The following DMRT1 variants were observed in gnomAD, a reference collection of about 807,000 sequenced individuals.
The protein encoded by DMRT1 is doublesex- and mab-3-related transcription factor 1.
A neutral mutation model predicts 32.3 loss-of-function variants in DMRT1; 7 were observed. That is an observed-to-expected ratio of 0.22 (90% confidence interval 0.12 to 0.41). DMRT1 has a LOEUF of 0.41. Ranked by LOEUF, DMRT1 falls within the 10% of genes least tolerant of loss-of-function variation. DMRT1 has a pLI of 1.00. For synonymous variants in DMRT1, 278 were observed against 206.1 expected (o/e 1.35, Z -2.99); for missense variants, 625 against 500.5 (o/e 1.25, Z -2.37).
chr9:878,461 C>A (rs944001873), intron 2 of DMRT1, among the ~76,000 whole-genome samples: 7 of 152,128 alleles, frequency 4.6e-5, no homozygotes, highest in African/African-American at 1.4e-4. Flanking sequence ...ATAGCCCTGT[C>A]ATGATTGCCT....
chr9:855,135 T>C lies in DMRT1; in HGVS notation c.538+7992T>C, dbSNP rs538617470. Among the ~76,000 whole-genome samples the C allele has an allele frequency of 3.3e-5, 5 of 152,202 alleles. No individual in the cohort carries two copies. The South Asian group carries it at 8.3e-4, about 25-fold the overall frequency. On this transcript the variant is annotated intron_variant, in intron 2 of 4. Coordinates refer to ENST00000382276, the MANE Select transcript of DMRT1 (RefSeq NM_021951.3). ...TTTTGTTTATCTCAGGGATAGTCTT[T>C]GCTTATATGTCAAGTATAGCAGTTT... is the stretch of plus-strand genomic sequence containing the variant.
rs1291471205 is a variant in DMRT1 at position 916,875 on chromosome 9, A to G, written c.935A>G (p.Asp312Gly). 6 of 1,614,128 alleles carry G rather than the reference A, an allele frequency of 3.7e-6. 1 individual carries two copies. In the Middle Eastern group the frequency reaches 8.2e-4, roughly 222 times the overall value. Reference protein sequence around the residue: ...QSVPQFFTFEDAPSYPEARAS... With the variant: ...QSVPQFFTFEGAPSYPEARAS... ...GTGCCCCAGTTCTTCACTTTTGAGG[A>G]TGCTCCCTCTTACCCGGAAGCCAGG... is the stretch of plus-strand genomic sequence containing the variant. Residue 312 changes from aspartate (D) to glycine (G), a missense_variant, in exon 4 of 5, where the codon GAT becomes GGT. Physicochemically the swap from Asp to Gly is moderately conservative, Grantham distance 94. Transcript: ENST00000382276.
chr9:855,635 T>A (rs1184606394), intron 2 of DMRT1, among the ~76,000 whole-genome samples: 1 of 152,380 alleles, frequency 6.6e-6, no homozygotes, highest in African/African-American at 2.4e-5. Context: ...TTTTTTTCTT[T>A]TTGAGACAGG....
chr9:886,059 A>T (rs1478319177), intron 2 of DMRT1, among the ~76,000 whole-genome samples: 1 of 152,154 alleles, frequency 6.6e-6, no homozygotes, highest in East Asian at 1.9e-4. Flanking sequence ...TTTTCAGCAG[A>T]CTCATTAAAA....
rs546525132 is a variant in DMRT1, at chr9:861,296, C to T, written c.538+14153C>T. On this transcript the variant is annotated intron_variant, in intron 2 of 4. Coordinates refer to ENST00000382276, the MANE Select transcript of DMRT1 (RefSeq NM_021951.3). ...TAAGGAGCATGCTGCCTTCAAGTAT[C>T]TGTTTAACAAAGCACAGTTTGCACC... Among the ~76,000 whole-genome samples, 44 of 152,166 alleles carry T rather than the reference C, an allele frequency of 2.9e-4. 2 individuals carry two copies. The South Asian group carries it at 8.7e-3, about 30-fold the overall frequency.
At chr9:885,549 C>T (rs1172509857) in intron 2 of DMRT1, among the ~76,000 whole-genome samples, 1 of 152,228 alleles carries the variant, frequency 6.6e-6, no homozygotes, top group East Asian at 1.9e-4. Context: ...CAGTGCCTAT[C>T]AGTCTGCTCT....
intron 4 of DMRT1, among the ~76,000 whole-genome samples, chr9:942,665 G>C (rs1406055895): frequency 2.0e-5 from 3 of 152,098 alleles, no homozygotes; most frequent in African/African-American, 7.2e-5. Flanking sequence ...TACATCTCAA[G>C]TTTATTGCTT....
Position 841,962 on chromosome 9 carries a change from G to T in DMRT1, c.124G>T (p.Ala42Ser). The T allele has an allele frequency of 1.3e-6, 2 of 1,592,764 alleles. No individual in the cohort carries two copies. The highest frequency in any genetic ancestry group is 1.7e-6 in the Non-Finnish European group (2 of 1,170,330). Residue 42 changes from alanine to serine, a missense_variant, in exon 1 of 5, where the codon GCC (alanine) becomes TCC (serine). Around this residue, in one of 3 missense-constraint regions of DMRT1, gnomAD observed 201 missense variants for 152.0 expected, o/e 1.32. Coordinates refer to ENST00000382276, the MANE Select transcript of DMRT1 (RefSeq NM_021951.3). ...AGCGTCTGGGGCGCTAGTGGGGGCG[G>T]CCAGCGGCTCGAGCGCCGGGGGCAG... is the stretch of plus-strand genomic sequence containing the variant. ...GKASGALVGA[A>S]SGSSAGGSSR...
Position 900,635 on chromosome 9 carries a change from A to G in DMRT1, c.822+6440A>G, listed in dbSNP as rs188885103. Among the ~76,000 whole-genome samples the G allele has an allele frequency of 1.9e-4, 29 of 152,286 alleles. No individual in the cohort carries two copies. In the East Asian group the frequency reaches 3.9e-3, roughly 20 times the overall value. Reference sequence around the variant, plus strand: ...TTAAAATACTCTTAAATTGAAAAAAAAACAACAAAGACATAATAGGGAGAA... The same window carrying G: ...TTAAAATACTCTTAAATTGAAAAAAGAACAACAAAGACATAATAGGGAGAA... On this transcript the variant is annotated intron_variant, in intron 3 of 4. Transcript: ENST00000382276.
intron 4 of DMRT1, among the ~76,000 whole-genome samples, chr9:957,882 C>T (rs1179073165): frequency 2.0e-5 from 3 of 152,064 alleles, no homozygotes; most frequent in Non-Finnish European, 4.4e-5. Flanking sequence ...TGGTGGCGGG[C>T]GCCTGTAATC....
At chr9:881,281 G>T (rs143362089) in intron 2 of DMRT1, among the ~76,000 whole-genome samples, 8 of 152,176 alleles carry the variant, frequency 5.3e-5, no homozygotes, top group Admixed American at 2.6e-4. Context: ...GAAAATTGGC[G>T]ATAATAAATT....
intron 1 of DMRT1, among the ~76,000 whole-genome samples, chr9:844,610 T>G (rs1345077444): frequency 7.1e-6 from 1 of 140,054 alleles, no homozygotes; most frequent in Non-Finnish European, 1.5e-5. Context: ...GTCGAAGACT[T>G]TTTTTTGGCT....
At position 897,090 on chromosome 9, in the gene DMRT1, ATATTAT is replaced by A. The variant is rs35331172; in HGVS notation, c.822+2927_822+2932del. On this transcript the variant is annotated intron_variant, in intron 3 of 4. Transcript: ENST00000382276. Reference sequence around the variant, plus strand: ...CTTCATACGTTTTATTTTTGGAATCATATTATTATTATTATTATTATTATTATTATT... The same window carrying A: ...CTTCATACGTTTTATTTTTGGAATCATATTATTATTATTATTATTATTATT... 7.1e-3 allele frequency among the ~76,000 whole-genome samples: 997 copies of A among 141,076 alleles called. 16 individuals are homozygous for A. The highest frequency in any genetic ancestry group is 0.025 in the Middle Eastern group (7 of 276). 92.6% of individuals were successfully genotyped at this position (141,076 alleles called of 152,430 possible).
At chr9:844,430 A>T (rs1838814145) in intron 1 of DMRT1, among the ~76,000 whole-genome samples, 1 of 140,504 alleles carries the variant, frequency 7.1e-6, no homozygotes, top group Admixed American at 6.8e-5. Flanking sequence ...TGGAGTAGAT[A>T]CCTGTGCATT....
chr9:876,567 A>G lies in DMRT1; in HGVS notation c.539-17345A>G, dbSNP rs933321148. ...ATCTATTGAGACAGAGTCTTGCCCT[A>G]TCATCCAGTCTGGAGTGCAGTGGTG... On this transcript the variant is annotated intron_variant, in intron 2 of 4. Coordinates refer to ENST00000382276, the MANE Select transcript of DMRT1 (RefSeq NM_021951.3). Among the ~76,000 whole-genome samples the G allele has an allele frequency of 2.0e-4, 30 of 149,950 alleles. 1 individual carries two copies. Among genetic ancestry groups the G allele is most frequent in the Middle Eastern group, 3.5e-3 (1 of 282 alleles).
chr9:890,300 G>A (rs984500281), intron 2 of DMRT1, among the ~76,000 whole-genome samples: 4 of 152,104 alleles, frequency 2.6e-5, no homozygotes, highest in Admixed American at 1.3e-4. Flanking sequence ...GAGGAGGAGC[G>A]AATGGACATG....
At chr9:860,340 T>C (rs577658590) in intron 2 of DMRT1, among the ~76,000 whole-genome samples, 1 of 152,064 alleles carries the variant, frequency 6.6e-6, no homozygotes, top group Non-Finnish European at 1.5e-5. Flanking sequence ...ATACACAAAA[T>C]ACAAATTAGT....
chr9:957,243 C>G (rs1365500181), intron 4 of DMRT1, among the ~76,000 whole-genome samples: 3 of 152,134 alleles, frequency 2.0e-5, no homozygotes, highest in Admixed American at 2.0e-4. Flanking sequence ...ATCATAAACA[C>G]CTGGAGAGAA....
chr9:935,891 T>C (rs750504761), intron 4 of DMRT1, among the ~76,000 whole-genome samples: 17 of 152,242 alleles, frequency 1.1e-4, no homozygotes, highest in Non-Finnish European at 2.2e-4. Context: ...ACTTCACTGC[T>C]GTGAAACCAG....
Sources: gnomAD v4.1 joint callset for allele counts (sites outside exome capture counted in the v4.1 genomes callset) on GRCh38, gnomAD v4.1.1 for gene constraint, gnomAD v4.1.1 regional missense constraint, MANE v1.5 for transcripts, NCBI Gene and HGNC (gene_info 2026-07-23, HGNC 2026-07-21) for gene names.